Variants in EPSTI1 observed in about 807,000 individuals in gnomAD.
EPSTI1 encodes epithelial-stromal interaction protein 1.
Under a neutral mutation model 49.9 loss-of-function variants are expected in EPSTI1, and 66 were observed. The ratio of observed to expected loss-of-function variants is 1.32; its 90% CI spans 1.08 to 1.62. The LOEUF (loss-of-function observed/expected upper bound fraction) is 1.62. Ranked by LOEUF, EPSTI1 falls within the 40% of genes most tolerant of loss-of-function variation. The pLI is 0.00. For missense variants in EPSTI1, 394 were observed against 365.5 expected (o/e 1.08, Z -0.64); for synonymous variants, 137 against 130.7 (o/e 1.05, Z -0.33).
chr13:42,969,595 A>C, intron 2 of EPSTI1: 1 of 191,478 alleles, frequency 5.2e-6, no homozygotes, highest in Non-Finnish European at 1.1e-5. Context: ...TGATGCCCAT[A>C]CTCGCTTTAT....
intron 6 of EPSTI1, among the ~76,000 whole-genome samples, chr13:42,951,796 T>A (rs551298250): frequency 2.6e-5 from 4 of 152,334 alleles, no homozygotes; most frequent in Non-Finnish European, 5.9e-5. Flanking sequence ...AAGTAGGTCT[T>A]CCCTCTTCCA....
At chr13:42,970,421 T>C in intron 2 of EPSTI1, 191 bp downstream of exon 2, 2 of 474,180 alleles carry the variant, frequency 4.2e-6, no homozygotes, top group Admixed American at 4.2e-5. Flanking sequence ...GTTACTAACG[T>C]AGAGAAACAA....
intron 10 of EPSTI1, among the ~76,000 whole-genome samples, chr13:42,892,634 A>G (rs1041023508): frequency 1.3e-5 from 2 of 152,200 alleles, no homozygotes; most frequent in Non-Finnish European, 2.9e-5. Flanking sequence ...TGTGTTGGGT[A>G]GGCAACTGGG....
chr13:42,956,262 T>C (rs534337816), intron 5 of EPSTI1, among the ~76,000 whole-genome samples: 259 of 152,326 alleles, frequency 1.7e-3, no homozygotes, highest in Non-Finnish European at 2.9e-3. Flanking sequence ...TTTCTAACTT[T>C]GGGTAAGCTG....
intron 5 of EPSTI1, among the ~76,000 whole-genome samples, chr13:42,956,232 G>A (rs146803918): frequency 7.8e-4 from 119 of 152,338 alleles, no homozygotes; most frequent in South Asian, 4.3e-3. Flanking sequence ...CCAAGAAGCG[G>A]AATAACACTG....
chr13:42,889,330 T>C, intron 10 of EPSTI1: 2 of 829,342 alleles, frequency 2.4e-6, no homozygotes, highest in African/African-American at 1.8e-5. Flanking sequence ...GAAGACTGAT[T>C]TAAATTAACA....
intron 1 of EPSTI1, among the ~76,000 whole-genome samples, chr13:42,971,614 GA>G (rs201709688): frequency 2.2e-5 from 2 of 92,850 alleles, no homozygotes; most frequent in African/African-American, 3.6e-5. Flanking sequence ...ATTTAAGAGG[GA>G]GGGAAAAAAC....
At chr13:42,944,126 C>A (rs533334386) in intron 6 of EPSTI1, among the ~76,000 whole-genome samples, 1 of 152,306 alleles carries the variant, frequency 6.6e-6, no homozygotes, top group South Asian at 2.1e-4. Context: ...CCTCAAGGAT[C>A]TAGAAACAGC....
At chr13:42,983,563 C>CAA (rs56259281) in intron 1 of EPSTI1, among the ~76,000 whole-genome samples, 2 of 95,498 alleles carry the variant, frequency 2.1e-5, no homozygotes, top group Non-Finnish European at 3.7e-5. Flanking sequence ...GACTCCATCT[C>CAA]AAAAAAAAAA....
intron 10 of EPSTI1, among the ~76,000 whole-genome samples, chr13:42,891,857 A>C (rs776537413): frequency 6.6e-6 from 1 of 152,234 alleles, no homozygotes; most frequent in Non-Finnish European, 1.5e-5. Flanking sequence ...GCGAAGAGTA[A>C]ACAGTCAACA....
chr13:42,964,741 A>T (rs1352363563), intron 3 of EPSTI1, among the ~76,000 whole-genome samples: 2 of 152,202 alleles, frequency 1.3e-5, no homozygotes, highest in East Asian at 3.8e-4. Context: ...TCAAAATAAA[A>T]ATATGGATGT....
intron 6 of EPSTI1, 109 bp from the exon 7 acceptor site, chr13:42,926,538 T>C: frequency 1.3e-6 from 1 of 750,152 alleles, no homozygotes; most frequent in African/African-American, 1.7e-5. Flanking sequence ...ATTAAAATTA[T>C]CTTCAGCAGA....
At chr13:42,966,743 C>G (rs1456091335) in intron 3 of EPSTI1, among the ~76,000 whole-genome samples, 4 of 87,878 alleles carry the variant, frequency 4.6e-5, no homozygotes, top group Admixed American at 1.3e-4. Context: ...AGGTGAGGGG[C>G]GCCTCCGCCC....
At chr13:42,893,530 A>C (rs1412911978) in intron 10 of EPSTI1, among the ~76,000 whole-genome samples, 2 of 152,216 alleles carry the variant, frequency 1.3e-5, no homozygotes, top group African/African-American at 4.8e-5. Context: ...CCTCACTATT[A>C]CATCATGAGG....
At chr13:42,932,000 G>A (rs2038391976) in intron 6 of EPSTI1, among the ~76,000 whole-genome samples, 1 of 152,060 alleles carries the variant, frequency 6.6e-6, no homozygotes, top group African/African-American at 2.4e-5. Context: ...GTCTCACATT[G>A]TTGCCCAGGC....
chr13:42,893,448 T>C (rs2037097268), intron 10 of EPSTI1, among the ~76,000 whole-genome samples: 1 of 152,232 alleles, frequency 6.6e-6, no homozygotes, highest in South Asian at 2.1e-4. Flanking sequence ...CTGCTTCTTT[T>C]AAGTAAGGAA....
intron 7 of EPSTI1, among the ~76,000 whole-genome samples, chr13:42,920,168 A>T (rs1705280118): frequency 6.6e-6 from 1 of 152,208 alleles, no homozygotes; most frequent in Admixed American, 6.5e-5. Flanking sequence ...ATAAGGTCAC[A>T]TTCTGAGGTG....
At chr13:42,914,867 G>GAA (rs1185194225) in intron 8 of EPSTI1, among the ~76,000 whole-genome samples, 1 of 152,060 alleles carries the variant, frequency 6.6e-6, no homozygotes, top group African/African-American at 2.4e-5. Flanking sequence ...TGAAGATATA[G>GAA]AAAAAAGAGG....
chr13:42,968,153 G>A (rs2039668902), intron 3 of EPSTI1, among the ~76,000 whole-genome samples: 1 of 152,170 alleles, frequency 6.6e-6, no homozygotes, highest in South Asian at 2.1e-4. Flanking sequence ...GGCCAAGCTA[G>A]GAAAGATTAA....
Sources: gnomAD v4.1 joint callset for allele counts (sites outside exome capture counted in the v4.1 genomes callset) on GRCh38, gnomAD v4.1.1 for gene constraint, MANE v1.5 for transcripts, NCBI Gene and HGNC (gene_info 2026-07-23, HGNC 2026-07-21) for gene names.